DAG1: variants seen among roughly 807,000 people sequenced by gnomAD.
DAG1 encodes dystroglycan 1.
DAG1 carries 8 observed loss-of-function variants against 46.1 expected under a neutral mutation model. The ratio of observed to expected loss-of-function variants is 0.17; its 90% confidence interval spans 0.10 to 0.31. DAG1 has a LOEUF of 0.31. DAG1 is among the 10% of genes least tolerant of loss of function. The pLI is 1.00. For missense variants in DAG1, 1,003 were observed against 1,189.9 expected (o/e 0.84, Z 2.31); for synonymous variants, 495 against 481.8 (o/e 1.03, Z -0.36).
rs576391995 is a variant in DAG1, at chr3:49,473,142, G to A, written c.-117+2709G>A. 3.3e-5 allele frequency among the ~76,000 whole-genome samples: 5 copies of A among 151,802 alleles called. No homozygotes were observed. The South Asian group carries it at 8.3e-4, about 25-fold the overall frequency. ...AATAAAACAAAACAACTGGCCAGGC[G>A]CGGTGGCTCACGCCCGTAATCCCAG... On this transcript the variant is annotated intron_variant, in intron 1 of 2. Transcript: ENST00000308775.
chr3:49,479,798 C>T (rs546700957), intron 1 of DAG1, among the ~76,000 whole-genome samples: 5 of 148,872 alleles, frequency 3.4e-5, no homozygotes, highest in Non-Finnish European at 7.4e-5. Flanking sequence ...CCACCACACC[C>T]GGCTAATTTT....
Position 49,531,182 on chromosome 3 carries a change from A to G in DAG1, c.671A>G (p.Asn224Ser). 1 of 1,614,200 alleles carries G rather than the reference A, an allele frequency of 6.2e-7. No individual in the cohort carries two copies. Among genetic ancestry groups the G allele is most frequent in the Non-Finnish European group, 8.5e-7 (1 of 1,180,028 alleles). Residue 224 changes from asparagine (N) to serine (S), a missense_variant, in exon 3 of 3, where the codon AAC (asparagine) becomes AGC (serine). Physicochemically the swap from Asn to Ser is conservative, Grantham distance 46. Around this residue, in one of 3 missense-constraint regions of DAG1, gnomAD observed 52 missense variants for 96.7 expected, o/e 0.54. Transcript: ENST00000308775. This position sits in a 1 kb window ranked among gnomAD's most constrained non-coding sequence, Gnocchi z 7.0. ...AGCTTCTCAGAAGTAGAGCTTCACAACATGAAATTAGTGCCGGTGGTGAAT... is the reference window on the plus strand; with the variant it reads ...AGCTTCTCAGAAGTAGAGCTTCACAGCATGAAATTAGTGCCGGTGGTGAAT... ...MRSFSEVELH[N>S]MKLVPVVNNR... is the part of the protein sequence containing the mutation.
chr3:49,474,640 A>C (rs976894106), intron 1 of DAG1, among the ~76,000 whole-genome samples: 1 of 151,462 alleles, frequency 6.6e-6, no homozygotes, highest in Non-Finnish European at 1.5e-5. Flanking sequence ...GCCACTGCGC[A>C]CCGCCCTGAT....
chr3:49,508,861 T>A (rs757633000), intron 1 of DAG1, among the ~76,000 whole-genome samples: 10 of 152,212 alleles, frequency 6.6e-5, no homozygotes, highest in Non-Finnish European at 1.3e-4. Flanking sequence ...TAAGCCTCAT[T>A]GTTACAGTTG....
chr3:49,531,582 A>C lies in DAG1; in HGVS notation c.1071A>C (p.Pro357=). The change falls in exon 3 of 3, where the codon CCA becomes CCC. Residue 357 remains proline (P), a synonymous_variant. Transcript: ENST00000308775. This position sits in a 1 kb window ranked among gnomAD's most constrained non-coding sequence, Gnocchi z 7.0. The part of the protein sequence containing the change: ...IAPPTETMAP[P]VRDPVPGKPT... ...CTCCAACAGAGACCATGGCTCCTCC[A>C]GTCAGGGATCCTGTTCCTGGGAAAC... 1 of 1,612,462 alleles carries C rather than the reference A, an allele frequency of 6.2e-7. No individual in the cohort carries two copies. Among genetic ancestry groups the C allele is most frequent in the South Asian group, 1.1e-5 (1 of 91,046 alleles).
At chr3:49,514,357 C>T (rs1052004094) in intron 2 of DAG1, among the ~76,000 whole-genome samples, 3 of 152,152 alleles carry the variant, frequency 2.0e-5, no homozygotes, top group African/African-American at 7.2e-5. Context: ...TGGTTTCTAC[C>T]ATTCAGAGTG....
At chr3:49,521,553 C>T (rs1005487537) in intron 2 of DAG1, among the ~76,000 whole-genome samples, 1 of 151,604 alleles carries the variant, frequency 6.6e-6, no homozygotes, top group Admixed American at 6.6e-5. Flanking sequence ...TTGACTTCCC[C>T]AGGCTCAAGC....
intron 1 of DAG1, among the ~76,000 whole-genome samples, chr3:49,506,183 TAGTC>T (rs1173520598): frequency 6.6e-6 from 1 of 152,084 alleles, no homozygotes; most frequent in Non-Finnish European, 1.5e-5. Context: ...TTCACCATGT[TAGTC>T]AGGCTGGTCT....
intron 1 of DAG1, among the ~76,000 whole-genome samples, chr3:49,473,110 A>C (rs1376399884): frequency 6.7e-6 from 1 of 148,326 alleles, no homozygotes; most frequent in Middle Eastern, 3.5e-3. Flanking sequence ...TCTCAAAAAA[A>C]ATAAAAAATA....
chr3:49,480,743 C>T (rs1356785311), intron 1 of DAG1, among the ~76,000 whole-genome samples: 2 of 139,316 alleles, frequency 1.4e-5, no homozygotes, highest in Admixed American at 7.2e-5. Flanking sequence ...TTGCAATTAA[C>T]ATCTCTGCAT....
rs747566297 is a variant in DAG1, at chr3:49,531,892, C to T, written c.1381C>T (p.Arg461Trp). The part of the protein sequence containing the change: ...KKPRTPRPVP[R>W]VTTKVSITRL... Reference sequence around the variant, plus strand: ...ACCACGGACACCCCGGCCAGTGCCCCGGGTCACCACCAAAGTTTCCATCAC... The same window carrying T: ...ACCACGGACACCCCGGCCAGTGCCCTGGGTCACCACCAAAGTTTCCATCAC... Residue 461 changes from arginine to tryptophan, a missense_variant, in exon 3 of 3, where the codon CGG (arginine) becomes TGG (tryptophan). Around this residue, in one of 3 missense-constraint regions of DAG1, gnomAD observed 755 missense variants for 854.1 expected, o/e 0.88. Transcript: ENST00000308775. The surrounding 1 kb of genome is among the most constrained non-coding windows in gnomAD (Gnocchi z 7.0). 25 of 1,614,042 alleles carry T rather than the reference C, an allele frequency of 1.5e-5. No individual in the cohort carries two copies. The highest frequency in any genetic ancestry group is 1.9e-5 in the Non-Finnish European group (23 of 1,180,042).
chr3:49,533,029 A>G lies in DAG1; in HGVS notation c.2518A>G (p.Thr840Ala). The change falls in exon 3 of 3, where the codon ACT becomes GCT. Residue 840 changes from threonine to alanine, a missense_variant. Thr to Ala is a moderately conservative substitution (Grantham distance 58). Transcript: ENST00000308775. ...CCCCAACCAGAGTGTGCCCGAGACC[A>G]CTCCTCTGAACCAGGACACCATGGG... Reference protein sequence around the residue: ...EYPNQSVPETTPLNQDTMGEY... With the variant: ...EYPNQSVPETAPLNQDTMGEY... 2 of 1,613,100 alleles carry G rather than the reference A, an allele frequency of 1.2e-6. No homozygotes were observed. Among genetic ancestry groups the G allele is most frequent in the Admixed American group, 1.7e-5 (1 of 59,926 alleles).
intron 1 of DAG1, among the ~76,000 whole-genome samples, chr3:49,497,968 C>T (rs1424285396): frequency 6.6e-6 from 1 of 152,212 alleles, no homozygotes; most frequent in Non-Finnish European, 1.5e-5. Flanking sequence ...CCAGCAGAAG[C>T]CACTGCCCTT....
At chr3:49,474,261 A>G (rs188479645) in intron 1 of DAG1, among the ~76,000 whole-genome samples, 14 of 151,190 alleles carry the variant, frequency 9.3e-5, no homozygotes, top group African/African-American at 3.4e-4. Context: ...TCACCATGTT[A>G]GCCAGGGTGG....
rs978605548 is a variant in DAG1 at position 49,484,316 on chromosome 3, C to G, written c.-117+13883C>G. Among the ~76,000 whole-genome samples, 4 of 152,080 alleles carry G rather than the reference C, an allele frequency of 2.6e-5. No individual in the cohort carries two copies. In the South Asian group the frequency reaches 8.3e-4, roughly 32 times the overall value. On this transcript the variant is annotated intron_variant, in intron 1 of 2. Coordinates refer to ENST00000308775, the MANE Select transcript of DAG1 (RefSeq NM_004393.6). ...GTAGGGGAGAAATCTTAGCAGGAGA[C>G]GTTGGTTCTTCTGCTTGTAGTGCCA...
intron 2 of DAG1, among the ~76,000 whole-genome samples, chr3:49,514,783 C>T (rs2107691672): frequency 6.6e-6 from 1 of 151,678 alleles, no homozygotes; most frequent in East Asian, 1.9e-4. Context: ...GGACTATAGG[C>T]TTGAACCACC....
Position 49,531,716 on chromosome 3 carries a change from G to T in DAG1, c.1205G>T (p.Arg402Leu), listed in dbSNP as rs537829489. 31 of 1,613,586 alleles carry T rather than the reference G, an allele frequency of 1.9e-5. No individual in the cohort carries two copies. In the East Asian group the frequency reaches 6.5e-4, roughly 34 times the overall value. ...EAGTTVPGQI[R>L]PTMTIPGYVE... ...GGCACCACAGTTCCTGGCCAGATTC[G>T]CCCAACGATGACCATTCCTGGCTAT... The change falls in exon 3 of 3, where the codon CGC (arginine) becomes CTC (leucine). Residue 402 changes from arginine (R) to leucine (L), a missense_variant. Arg to Leu is a moderately radical substitution (Grantham distance 102). Coordinates refer to ENST00000308775, the MANE Select transcript of DAG1 (RefSeq NM_004393.6). The surrounding 1 kb of genome is among the most constrained non-coding windows in gnomAD (Gnocchi z 7.0).
intron 1 of DAG1, among the ~76,000 whole-genome samples, chr3:49,508,301 G>C (rs543766961): frequency 1.3e-5 from 2 of 150,400 alleles, no homozygotes; most frequent in Non-Finnish European, 3.0e-5. Context: ...TCCTGGGTTC[G>C]AGCAATTCTC....
chr3:49,519,597 T>C (rs980760740), intron 2 of DAG1, among the ~76,000 whole-genome samples: 20 of 152,210 alleles, frequency 1.3e-4, no homozygotes, highest in Admixed American at 2.6e-4. Flanking sequence ...TCCGCATTTC[T>C]GAATGGACCC....
Sources: allele counts gnomAD v4.1 joint callset (sites outside exome capture counted in the v4.1 genomes callset), GRCh38; gene constraint gnomAD v4.1.1; regional missense constraint gnomAD v4.1.1; non-coding constraint Gnocchi (gnomAD v3.1); transcripts MANE v1.5; gene names NCBI Gene and HGNC (gene_info 2026-07-23, HGNC 2026-07-21).